The following ADAMTS6 variants were observed in gnomAD, a reference collection of about 807,000 sequenced individuals.
ADAMTS6 encodes ADAM metallopeptidase with thrombospondin type 1 motif 6.
ADAMTS6 carries 23 observed loss-of-function variants against 144.3 expected under a neutral mutation model. The observed-to-expected ratio is 0.16, with a 90% CI of 0.11 to 0.23. The LOEUF (loss-of-function observed/expected upper bound fraction) is 0.23. Among genes scored for constraint, ADAMTS6 ranks in the 10% least tolerant of loss-of-function variants. The pLI is 1.00. For missense variants in ADAMTS6, 999 were observed against 1,379.6 expected, an observed-to-expected ratio of 0.72 and a Z score of 4.37; for synonymous variants, 444 against 457.5, an observed-to-expected ratio of 0.97 and a Z score of 0.38.
At chr5:65,348,909 C>CA (rs1234355661) in intron 7 of ADAMTS6, among the ~76,000 whole-genome samples, 14 of 151,796 alleles carry the variant, frequency 9.2e-5, no homozygotes, top group African/African-American at 3.4e-4. Context: ...GCTTTATGAA[C>CA]AATAAAAAAT....
At chr5:65,377,283 C>A (rs115206270) in intron 7 of ADAMTS6, among the ~76,000 whole-genome samples, 560 of 152,240 alleles carry the variant, frequency 3.7e-3, no homozygotes, top group African/African-American at 0.012. Flanking sequence ...TGCTCTATGA[C>A]CCATACTGCC....
At chr5:65,421,619 T>C (rs893444405) in intron 7 of ADAMTS6, among the ~76,000 whole-genome samples, 9 of 152,188 alleles carry the variant, frequency 5.9e-5, no homozygotes, top group Non-Finnish European at 2.9e-5. Context: ...AAAAACAGCA[T>C]GGTATTGGTA....
At chr5:65,263,651 AG>A (rs1761386793) in intron 12 of ADAMTS6, among the ~76,000 whole-genome samples, 1 of 152,234 alleles carries the variant, frequency 6.6e-6, no homozygotes, top group African/African-American at 2.4e-5. Context: ...GCACCTAAGT[AG>A]AAAGCCAGGA....
At chr5:65,468,118 C>T (rs1392684122) in intron 3 of ADAMTS6, among the ~76,000 whole-genome samples, 1 of 151,998 alleles carries the variant, frequency 6.6e-6, no homozygotes, top group East Asian at 1.9e-4. Flanking sequence ...TAAAATATGA[C>T]ATTATATGAA....
chr5:65,306,505 G>C (rs1245649830), intron 9 of ADAMTS6, among the ~76,000 whole-genome samples: 14 of 152,148 alleles, frequency 9.2e-5, no homozygotes, highest in Admixed American at 9.2e-4. Flanking sequence ...GTACTATTGT[G>C]AAACTAGCTT....
chr5:65,168,230 T>C (rs1490453927), intron 24 of ADAMTS6, among the ~76,000 whole-genome samples: 1 of 148,582 alleles, frequency 6.7e-6, no homozygotes, highest in Non-Finnish European at 1.5e-5. Context: ...AGCATTCCTA[T>C]ACACCAACAA....
intron 3 of ADAMTS6, among the ~76,000 whole-genome samples, chr5:65,461,302 G>C (rs1371451564): frequency 6.6e-6 from 1 of 152,054 alleles, no homozygotes; most frequent in African/African-American, 2.4e-5. Context: ...ATTTAAAGTT[G>C]GTATAAGTTT....
intron 21 of ADAMTS6, among the ~76,000 whole-genome samples, chr5:65,192,240 C>T (rs1217100311): frequency 2.0e-5 from 3 of 151,964 alleles, no homozygotes; most frequent in Non-Finnish European, 2.9e-5. Context: ...TTATAACTCT[C>T]TTATTGTACT....
chr5:65,270,571 T>C (rs1761974962), intron 12 of ADAMTS6, among the ~76,000 whole-genome samples: 1 of 152,212 alleles, frequency 6.6e-6, no homozygotes, highest in African/African-American at 2.4e-5. Flanking sequence ...GCTCTATCCT[T>C]TTCCTTTCTA....
intron 21 of ADAMTS6, among the ~76,000 whole-genome samples, chr5:65,196,485 T>G (rs1755371858): frequency 8.5e-6 from 1 of 117,328 alleles, no homozygotes; most frequent in South Asian, 2.8e-4. Flanking sequence ...ATCGCGCCAC[T>G]GCACTCCAGC....
At chr5:65,325,247 G>A (rs1231923956) in intron 9 of ADAMTS6, among the ~76,000 whole-genome samples, 1 of 152,044 alleles carries the variant, frequency 6.6e-6, no homozygotes, top group Admixed American at 6.6e-5. Flanking sequence ...CTTTGCCAAC[G>A]CTCACTGAAC....
Position 65,335,054 on chromosome 5 carries a change from G to A in ADAMTS6, c.1074-969C>T, listed in dbSNP as rs180904589. ...TTCTCTTTTATTATATATAAATAAC[G>A]ATTAGTCAATATTAGTAGGGGAGAG... On this transcript the variant is annotated intron_variant, in intron 7 of 24. Transcript: ENST00000381055. Among the ~76,000 whole-genome samples the A allele has an allele frequency of 3.3e-5, 5 of 152,164 alleles. No individual in the cohort carries two copies. In the South Asian group the frequency reaches 8.3e-4, roughly 25 times the overall value.
intron 9 of ADAMTS6, among the ~76,000 whole-genome samples, chr5:65,312,853 G>T (rs184477074): frequency 1.6e-3 from 243 of 152,128 alleles, no homozygotes; most frequent in African/African-American, 5.5e-3. Context: ...TGGGGTGTAT[G>T]TATGTGTGTG....
At chr5:65,425,848 C>G (rs1580679852) in intron 7 of ADAMTS6, among the ~76,000 whole-genome samples, 1 of 151,774 alleles carries the variant, frequency 6.6e-6, no homozygotes, top group Admixed American at 6.6e-5. Context: ...ACTGCAAGCT[C>G]CGCCTCCTGG....
chr5:65,331,150 A>C (rs1274360548), intron 8 of ADAMTS6, among the ~76,000 whole-genome samples: 1 of 152,076 alleles, frequency 6.6e-6, no homozygotes, highest in Non-Finnish European at 1.5e-5. Context: ...GGGAAGAACA[A>C]AGCCACTCTG....
At chr5:65,337,889 C>T (rs1252016719) in intron 7 of ADAMTS6, among the ~76,000 whole-genome samples, 3 of 152,082 alleles carry the variant, frequency 2.0e-5, no homozygotes, top group Non-Finnish European at 4.4e-5. Context: ...AATTGGTATA[C>T]TTTTAGGACT....
At chr5:65,403,134 CT>C (rs1754085798) in intron 7 of ADAMTS6, among the ~76,000 whole-genome samples, 1 of 152,026 alleles carries the variant, frequency 6.6e-6, no homozygotes, top group South Asian at 2.1e-4. Context: ...TGATGCTTTC[CT>C]CCTTGAAACA....
At chr5:65,275,371 GA>G (rs1762404231) in intron 11 of ADAMTS6, among the ~76,000 whole-genome samples, 2 of 113,274 alleles carry the variant, frequency 1.8e-5, no homozygotes, top group East Asian at 4.6e-4. Flanking sequence ...AAGAAAGAAA[GA>G]AAGAAAGAAA....
At chr5:65,159,164 A>G (rs894323662) in intron 24 of ADAMTS6, among the ~76,000 whole-genome samples, 3 of 151,724 alleles carry the variant, frequency 2.0e-5, no homozygotes, top group Non-Finnish European at 4.4e-5. Flanking sequence ...CCCCCAGTTC[A>G]TCACTCTCCT....
Sources: gnomAD v4.1 joint callset for allele counts (sites outside exome capture counted in the v4.1 genomes callset) on GRCh38, gnomAD v4.1.1 for gene constraint, MANE v1.5 for transcripts, NCBI Gene and HGNC (gene_info 2026-07-23, HGNC 2026-07-21) for gene names.